PRTG: variants seen among roughly 807,000 people sequenced by gnomAD.
PRTG encodes immunoglobulin superfamily, DCC subclass, member 5.
In PRTG, 67 loss-of-function variants were observed where a neutral mutation model predicts 122.5. The ratio of observed to expected loss-of-function variants is 0.55; its 90% CI spans 0.45 to 0.67. PRTG has a LOEUF of 0.67. Among genes scored for constraint, PRTG ranks in the 30% least tolerant of loss-of-function variants. The probability of loss-of-function intolerance (pLI) is 0.00; values close to 1 mark genes in which losing one functional copy is unlikely to be tolerated. For synonymous variants in PRTG, 554 were observed against 501.1 expected, an observed-to-expected ratio of 1.11 and a Z score of -1.41; for missense variants, 1,435 against 1,415.4, an observed-to-expected ratio of 1.01 and a Z score of -0.22.
At chr15:55,665,971 C>T (rs1344699740) in intron 11 of PRTG, among the ~76,000 whole-genome samples, 2 of 152,160 alleles carry the variant, frequency 1.3e-5, no homozygotes, top group African/African-American at 4.8e-5. Flanking sequence ...CACATGCATG[C>T]ATTTATGTAT....
At chr15:55,638,981 C>A (rs539615327) in intron 13 of PRTG, among the ~76,000 whole-genome samples, 1 of 151,242 alleles carries the variant, frequency 6.6e-6, no homozygotes, top group Non-Finnish European at 1.5e-5. Context: ...TTCATTCATT[C>A]ATTCATTCAT....
intron 18 of PRTG, among the ~76,000 whole-genome samples, chr15:55,621,769 T>C (rs2059167669): frequency 6.6e-6 from 1 of 152,156 alleles, no homozygotes. Flanking sequence ...AAATATATAT[T>C]CCAAAACACA....
chr15:55,689,698 C>A (rs1467117021), intron 2 of PRTG, among the ~76,000 whole-genome samples: 1 of 151,564 alleles, frequency 6.6e-6, no homozygotes, highest in East Asian at 1.9e-4. Context: ...GAGGCCAAGG[C>A]GGGTGGATCA....
chr15:55,680,635 G>C lies in PRTG; in HGVS notation c.677-7C>G. The C allele has an allele frequency of 6.7e-7, 1 of 1,486,164 alleles. No individual in the cohort carries two copies. Among genetic ancestry groups the C allele is most frequent in the Non-Finnish European group, 9.0e-7 (1 of 1,112,308 alleles). The allele number at this position is 1,486,164 out of a possible 1,614,324, so 92.1% of individuals were successfully genotyped here. A position where few individuals can be genotyped will look rare whatever the true frequency, so the allele number is the denominator to read the frequency against. On this transcript the variant is annotated splice_region_variant and splice_polypyrimidine_tract_variant and intron_variant, in intron 4 of 19. Transcript: ENST00000389286. ...AAGGATTTTGACTCCTTAGCTTTGG[G>C]GAGGAAAAGACAGAATATAAAAATA...
chr15:55,636,705 T>C (rs1348699571), intron 15 of PRTG, among the ~76,000 whole-genome samples: 1 of 151,082 alleles, frequency 6.6e-6, no homozygotes, highest in African/African-American at 2.4e-5. Flanking sequence ...TGGAGTGCAA[T>C]GGTGCAATCT....
chr15:55,664,233 C>G (rs1472808553), intron 11 of PRTG, among the ~76,000 whole-genome samples: 3 of 152,078 alleles, frequency 2.0e-5, no homozygotes, highest in Non-Finnish European at 4.4e-5. Context: ...CCTCCGCCCC[C>G]CAGGTTCAAG....
At chr15:55,665,041 G>A (rs568459851) in intron 11 of PRTG, among the ~76,000 whole-genome samples, 3 of 151,916 alleles carry the variant, frequency 2.0e-5, no homozygotes, top group Admixed American at 1.3e-4. Flanking sequence ...GGTGGATCAC[G>A]AGGTCAGGAG....
At chr15:55,695,036 C>G (rs979757842) in intron 2 of PRTG, among the ~76,000 whole-genome samples, 11 of 152,164 alleles carry the variant, frequency 7.2e-5, no homozygotes, top group African/African-American at 1.2e-4. Context: ...AACAACCTTG[C>G]AAACACAATA....
At chr15:55,686,238 C>T (rs953958415) in intron 2 of PRTG, among the ~76,000 whole-genome samples, 3 of 152,228 alleles carry the variant, frequency 2.0e-5, no homozygotes, top group Non-Finnish European at 2.9e-5. Flanking sequence ...AAATATAAAG[C>T]ACTCTTGTCA....
chr15:55,667,323 T>C (rs925456063), intron 11 of PRTG, among the ~76,000 whole-genome samples: 8 of 152,188 alleles, frequency 5.3e-5, no homozygotes, highest in African/African-American at 1.9e-4. Flanking sequence ...AAATGAAAAA[T>C]CTTTTCTTTT....
At chr15:55,728,333 T>C (rs1321869518) in intron 2 of PRTG, among the ~76,000 whole-genome samples, 1 of 152,198 alleles carries the variant, frequency 6.6e-6, no homozygotes, top group Non-Finnish European at 1.5e-5. Flanking sequence ...GAAAATTATC[T>C]TCTATGAATA....
intron 15 of PRTG, among the ~76,000 whole-genome samples, chr15:55,629,373 A>ATGTGTGTGTGTGTGTG (rs1491345628): frequency 7.4e-5 from 4 of 54,364 alleles, no homozygotes; most frequent in Non-Finnish European, 9.9e-5. Context: ...ATATATATAT[A>ATGTGTGTGTGTGTGTG]TATGTGTGTG....
chr15:55,703,732 C>A (rs2029976092), intron 2 of PRTG, among the ~76,000 whole-genome samples: 2 of 152,194 alleles, frequency 1.3e-5, no homozygotes, highest in South Asian at 4.1e-4. Context: ...CCTATTACAT[C>A]TTTCTCAACT....
At chr15:55,712,945 A>G (rs1283068710) in intron 2 of PRTG, among the ~76,000 whole-genome samples, 2 of 152,232 alleles carry the variant, frequency 1.3e-5, no homozygotes, top group Non-Finnish European at 2.9e-5. Context: ...TGTTTAACCA[A>G]TTTCAAACAT....
intron 11 of PRTG, among the ~76,000 whole-genome samples, chr15:55,645,236 C>A (rs952074969): frequency 7.3e-5 from 11 of 150,536 alleles, no homozygotes; most frequent in African/African-American, 2.7e-4. Context: ...GAGATCGAGA[C>A]CATCCTGGCT....
chr15:55,638,629 T>C lies in PRTG; in HGVS notation c.2372A>G (p.Tyr791Cys), dbSNP rs1162007636. The C allele has an allele frequency of 6.2e-7, 1 of 1,613,352 alleles. No individual in the cohort carries two copies. Among genetic ancestry groups the C allele is most frequent in the Non-Finnish European group, 8.5e-7 (1 of 1,179,492 alleles). Residue 791 changes from tyrosine to cysteine, a missense_variant, in exon 14 of 20, where the codon TAC (tyrosine) becomes TGC (cysteine). Coordinates refer to ENST00000389286, the MANE Select transcript of PRTG (RefSeq NM_173814.6). Reference sequence around the variant, plus strand: ...CACATGTAATCGAACGGCAAATTCGTATTTGGTGTTTGGTTCTAGACCTTG... The same window carrying C: ...CACATGTAATCGAACGGCAAATTCGCATTTGGTGTTTGGTTCTAGACCTTG... ...LVQGLEPNTK[Y>C]EFAVRLHVDQ...
intron 2 of PRTG, among the ~76,000 whole-genome samples, chr15:55,709,819 G>A (rs1233864088): frequency 6.6e-6 from 1 of 152,176 alleles, no homozygotes; most frequent in Non-Finnish European, 1.5e-5. Context: ...AATCTATAGT[G>A]ACAGAAAGCA....
chr15:55,711,730 T>G (rs148456870), intron 2 of PRTG, among the ~76,000 whole-genome samples: 3 of 152,290 alleles, frequency 2.0e-5, no homozygotes, highest in Non-Finnish European at 4.4e-5. Context: ...AGTGCAACTG[T>G]GATCAGCCAA....
chr15:55,671,260 TC>T (rs1217518427), intron 11 of PRTG, among the ~76,000 whole-genome samples: 1 of 152,026 alleles, frequency 6.6e-6, no homozygotes, highest in African/African-American at 2.4e-5. Flanking sequence ...GCCTTTTACC[TC>T]CCCTCACCTT....
Sources: allele counts gnomAD v4.1 joint callset (sites outside exome capture counted in the v4.1 genomes callset), GRCh38; gene constraint gnomAD v4.1.1; transcripts MANE v1.5; gene names NCBI Gene and HGNC (gene_info 2026-07-23, HGNC 2026-07-21).